Variants in AATK observed in about 807,000 individuals in gnomAD.
AATK encodes serine/threonine-protein kinase LMTK1.
AATK carries 91 observed loss-of-function variants against 114.3 expected under a neutral mutation model. That is an observed-to-expected ratio of 0.80 (90% CI 0.67 to 0.95). The LOEUF (loss-of-function observed/expected upper bound fraction) is 0.95. Among genes scored for constraint, AATK ranks in the 40% least tolerant of loss-of-function variants. AATK has a pLI of 0.00. For synonymous variants in AATK, 1,075 were observed against 916.5 expected (o/e 1.17, Z -3.12); for missense variants, 2,176 against 1,965.2 (o/e 1.11, Z -2.03).
At position 81,118,298 on chromosome 17, in the gene AATK, A is replaced by C; in HGVS notation, c.*104T>G. 1 of 1,261,974 alleles carries C rather than the reference A, an allele frequency of 7.9e-7. No homozygotes were observed. Among genetic ancestry groups the C allele is most frequent in the Non-Finnish European group, 1.1e-6 (1 of 900,888 alleles). 78.2% of individuals were successfully genotyped at this position (1,261,974 alleles called of 1,614,324 possible). Reference sequence around the variant, plus strand: ...GCAGAGGCACCTGAATCTGCTGCCAACAGCCACCAGGACGTGGTCCCCACC... The same window carrying C: ...GCAGAGGCACCTGAATCTGCTGCCACCAGCCACCAGGACGTGGTCCCCACC... On this transcript the variant is annotated 3_prime_UTR_variant, in exon 14 of 14. Transcript: ENST00000326724.
At chr17:81,125,354 T>TC (rs745682784) in intron 7 of AATK, 1 of 655,198 alleles carries the variant, frequency 1.5e-6, no homozygotes, top group Non-Finnish European at 3.0e-6. Flanking sequence ...CAGGACCCTC[T>TC]CCTCCTAGCT....
In AATK at chr17:81,144,490, G is replaced by A. The variant is rs192590642; in HGVS notation, c.56-9989C>T. ...GTGGCCCCTGGAGGCACCCCCAGGC[G>A]GGGCCGCTGCAGCTGGGACAATGGA... On this transcript the variant is annotated intron_variant, in intron 1 of 13. Transcript: ENST00000326724. Among the ~76,000 whole-genome samples, 96 of 152,334 alleles carry A rather than the reference G, an allele frequency of 6.3e-4. No homozygotes were observed. The East Asian group carries it at 7.0e-3, about 11-fold the overall frequency.
At chr17:81,135,472 GCCACCCC>G (rs2060995867) in intron 1 of AATK, among the ~76,000 whole-genome samples, 1 of 152,092 alleles carries the variant, frequency 6.6e-6, no homozygotes, top group Non-Finnish European at 1.5e-5. Context: ...AGATTTTCCG[GCCACCCC>G]CAGTGCCTTT....
At chr17:81,160,106 C>T (rs2061412636) in intron 1 of AATK, 2 of 305,642 alleles carry the variant, frequency 6.5e-6, no homozygotes, top group Non-Finnish European at 4.8e-6. Flanking sequence ...CTGCAGAGGC[C>T]CTGCCTGCTC....
At chr17:81,130,845 G>A (rs1375109208) in intron 3 of AATK, among the ~76,000 whole-genome samples, 15 of 152,318 alleles carry the variant, frequency 9.8e-5, no homozygotes, top group Non-Finnish European at 4.4e-5. Flanking sequence ...CCCAGGCCCA[G>A]GAGAAAGAGG....
rs2060580784 is a variant in AATK, at chr17:81,117,565, A to C, written c.*837T>G. The C allele has an allele frequency of 6.6e-6, 1 of 152,116 alleles. No individual in the cohort carries two copies. The highest frequency in any genetic ancestry group is 6.5e-5 in the Admixed American group (1 of 15,274). 9.4% of individuals were successfully genotyped at this position (152,116 alleles called of 1,614,324 possible). ...CTCTCCCTGTAGGTAGGAGCCCCCC[A>C]ACACTGACTGCGGGGCATGGCCCCC... On this transcript the variant is annotated 3_prime_UTR_variant, in exon 14 of 14. Coordinates refer to ENST00000326724, the MANE Select transcript of AATK (RefSeq NM_001080395.3).
chr17:81,126,575 T>C lies in AATK; in HGVS notation c.622-15A>G, dbSNP rs776646036. Reference sequence around the variant, plus strand: ...TTGAGGTCCCCCTGCAGAAAGGGGGTGTGGCGCAGTCACCAGCAGGCTGGG... The same window carrying C: ...TTGAGGTCCCCCTGCAGAAAGGGGGCGTGGCGCAGTCACCAGCAGGCTGGG... On this transcript the variant is annotated splice_polypyrimidine_tract_variant and intron_variant, in intron 6 of 13. Transcript: ENST00000326724. This position sits in a 1 kb window ranked among gnomAD's most constrained non-coding sequence, Gnocchi z 5.1. 1.1e-5 allele frequency: 17 copies of C among 1,531,206 alleles called. No individual in the cohort carries two copies. In the South Asian group the frequency reaches 2.0e-4, roughly 18 times the overall value. The allele number at this position is 1,531,206 out of a possible 1,614,324, so 94.9% of individuals were successfully genotyped here. A position where few individuals can be genotyped will look rare whatever the true frequency, so the allele number is the denominator to read the frequency against.
At chr17:81,151,307 T>C (rs58457424) in intron 1 of AATK, among the ~76,000 whole-genome samples, 49,659 of 95,094 alleles carry the variant, frequency 0.52, 8,656 homozygotes, top group African/African-American at 0.55. Context: ...CGACCCCTCC[T>C]GTCTCCCCCC....
chr17:81,151,255 A>G (rs2061290877), intron 1 of AATK, among the ~76,000 whole-genome samples: 1 of 148,896 alleles, frequency 6.7e-6, no homozygotes, highest in African/African-American at 2.5e-5. Context: ...GCCAAGCCCC[A>G]CCTGCACAGA....
rs544331235 is a variant in AATK, at chr17:81,157,246, A to G, written c.55+8692T>C. 9.8e-4 allele frequency among the ~76,000 whole-genome samples: 150 copies of G among 152,288 alleles called. 2 individuals are homozygous for G. The South Asian group carries it at 0.03, about 30-fold the overall frequency. ...TTTTAGGAGAGGCCACATAAAATGT[A>G]AGCTTCCGGGACAAGCCCAGGACAT... On this transcript the variant is annotated intron_variant, in intron 1 of 13. Coordinates refer to ENST00000326724, the MANE Select transcript of AATK (RefSeq NM_001080395.3).
At chr17:81,137,919 T>TACAC (rs2061039513) in intron 1 of AATK, among the ~76,000 whole-genome samples, 1 of 48,008 alleles carries the variant, frequency 2.1e-5, no homozygotes, top group African/African-American at 5.4e-5. Context: ...CGGGCACACG[T>TACAC]GCACACAGCC....
chr17:81,155,860 T>A (rs551467936), intron 1 of AATK, among the ~76,000 whole-genome samples: 159 of 152,066 alleles, frequency 1.0e-3, no homozygotes, highest in Non-Finnish European at 1.7e-3. Context: ...TAATTTTTTA[T>A]TTTTTGTAGA....
intron 1 of AATK, among the ~76,000 whole-genome samples, chr17:81,143,018 G>A (rs2061160810): frequency 2.0e-5 from 3 of 152,318 alleles, no homozygotes; most frequent in African/African-American, 4.8e-5. Flanking sequence ...AAACACAGGC[G>A]TGGTCCAGGA....
rs1295289202 is a variant in AATK, at chr17:81,119,577, C to T, written c.3887G>A (p.Gly1296Asp). 2.6e-6 allele frequency: 4 copies of T among 1,565,430 alleles called. No homozygotes were observed. The highest frequency in any genetic ancestry group is 1.8e-4 in the Middle Eastern group (1 of 5,648). The stretch of plus-strand genomic sequence containing the variant: ...GAAGTCGTCGTCCCACGCGAACCCA[C>T]CACCTGCAGCCCAGGTCGCGGCGTC... ...SPNGSTAEEG[G>D]GFAWDDDFPL... is the part of the protein sequence containing the mutation. Residue 1296 changes from glycine to aspartate, a missense_variant, in exon 13 of 14, where the codon GGT (glycine) becomes GAT (aspartate). Physicochemically the swap from Gly to Asp is moderately conservative, Grantham distance 94. This residue lies in a region of AATK where 1,701 missense variants were observed against 1,394.7 expected (regional missense o/e 1.22). Coordinates refer to ENST00000326724, the MANE Select transcript of AATK (RefSeq NM_001080395.3).
chr17:81,125,056 AGCAGG>A lies in AATK; in HGVS notation c.756-47_756-43del. On this transcript the variant is annotated intron_variant, in intron 7 of 13. Coordinates refer to ENST00000326724, the MANE Select transcript of AATK (RefSeq NM_001080395.3). ...GGGCAGGGGCAGGGTGAGCAGGGTG[AGCAGG>A]GTGTGCCGGGTGGGGGCAGGGGGAG... The A allele has an allele frequency of 5.6e-6, 6 of 1,077,520 alleles. No individual in the cohort carries two copies. In the South Asian group the frequency reaches 8.7e-5, roughly 16 times the overall value. The allele number at this position is 1,077,520 out of a possible 1,614,324, so 66.7% of individuals were successfully genotyped here.
chr17:81,141,780 G>C (rs1397226277), intron 1 of AATK, among the ~76,000 whole-genome samples: 3 of 152,250 alleles, frequency 2.0e-5, no homozygotes, highest in African/African-American at 7.2e-5. Flanking sequence ...TACATCTGCT[G>C]TGCACACGTG....
At chr17:81,119,264 A>AAGGAGCGGGGCCGGGAAGGGGCGGG in intron 13 of AATK, 116 bp downstream of exon 13, 1 of 1,004,604 alleles carries the variant, frequency 1.0e-6, no homozygotes, top group Non-Finnish European at 1.3e-6. Context: ...GAAGGAGCGG[A>AAGGAGCGGGGCCGGGAAGGGGCGGG]GCGGAGCGGA....
At chr17:81,129,960 T>C (rs72854187) in intron 3 of AATK, among the ~76,000 whole-genome samples, 2,252 of 152,346 alleles carry the variant, frequency 0.015, 26 homozygotes, top group Non-Finnish European at 0.023. Context: ...AGGACAGGCG[T>C]TGAGGCCTTG....
chr17:81,155,820 G>A (rs937492044), intron 1 of AATK, among the ~76,000 whole-genome samples: 1 of 152,026 alleles, frequency 6.6e-6, no homozygotes, highest in African/African-American at 2.4e-5. Context: ...CCAGTAGCTG[G>A]GGCTACAGGT....
Sources: gnomAD v4.1 joint callset for allele counts (sites outside exome capture counted in the v4.1 genomes callset) on GRCh38, gnomAD v4.1.1 for gene constraint, gnomAD v4.1.1 regional missense constraint, Gnocchi (gnomAD v3.1) non-coding constraint, MANE v1.5 for transcripts, NCBI Gene and HGNC (gene_info 2026-07-23, HGNC 2026-07-21) for gene names.